ROBO1: variants seen among roughly 807,000 people sequenced by gnomAD.
ROBO1 encodes the protein roundabout homolog 1.
Under a neutral mutation model 195.9 loss-of-function variants are expected in ROBO1, and 149 were observed. The ratio of observed to expected loss-of-function variants is 0.76; its 90% CI spans 0.67 to 0.87. The LOEUF is 0.87. ROBO1 is among the 40% of genes least tolerant of loss of function. The probability of loss-of-function intolerance (pLI) is 0.00; values close to 1 mark genes in which losing one functional copy is unlikely to be tolerated. For missense variants in ROBO1, 1,933 were observed against 2,068.3 expected, an observed-to-expected ratio of 0.93 and a Z score of 1.27; for synonymous variants, 816 against 733.2, an observed-to-expected ratio of 1.11 and a Z score of -1.82.
In ROBO1 at chr3:78,634,662, T is replaced by A. The variant is rs1017199231; in HGVS notation, c.3374-620A>T. ...AGGAATAATGTGACAATAGTTTGAA[T>A]CACCACTGCAAACTCCATGATTACA... On this transcript the variant is annotated intron_variant, in intron 23 of 30. Coordinates refer to ENST00000464233, the MANE Select transcript of ROBO1 (RefSeq NM_002941.4). 1.9e-5 allele frequency: 3 copies of A among 159,636 alleles called. No individual in the cohort carries two copies. The South Asian group carries it at 5.2e-4, about 27-fold the overall frequency. The allele number at this position is 159,636 out of a possible 1,614,324, so 9.9% of individuals were successfully genotyped here.
Position 78,639,886 on chromosome 3 carries a change from G to C in ROBO1, c.2895C>G (p.Leu965=). ...GCTGCGCGGCAGGTTCACTGATGTTGAGAAGTCCAGGCCTAAATAAAAAAA... is the reference window on the plus strand; with the variant it reads ...GCTGCGCGGCAGGTTCACTGATGTTCAGAAGTCCAGGCCTAAATAAAAAAA... ...AVSSGGRPGL[L]NISEPAAQPW... Residue 965 remains leucine, a synonymous_variant, in exon 22 of 31, where the codon CTC becomes CTG. Coordinates refer to ENST00000464233, the MANE Select transcript of ROBO1 (RefSeq NM_002941.4). The C allele has an allele frequency of 6.3e-7, 1 of 1,597,712 alleles. No homozygotes were observed. The highest frequency in any genetic ancestry group is 8.5e-7 in the Non-Finnish European group (1 of 1,170,510).
rs188306111 is a variant in ROBO1 at position 79,477,477 on chromosome 3, A to G, written c.88+112347T>C. ...TGAACATTAAGTTTTCTTTTTTATT[A>G]GGTGCAGATGAGAGGGATGATTTAT... is the stretch of plus-strand genomic sequence containing the variant. On this transcript the variant is annotated intron_variant, in intron 2 of 30. Coordinates refer to ENST00000464233, the MANE Select transcript of ROBO1 (RefSeq NM_002941.4). Among the ~76,000 whole-genome samples the G allele has an allele frequency of 2.6e-3, 391 of 152,246 alleles. 2 individuals are homozygous for G. Among genetic ancestry groups the G allele is most frequent in the African/African-American group, 8.1e-3 (336 of 41,558 alleles).
intron 4 of ROBO1, among the ~76,000 whole-genome samples, chr3:78,791,238 G>A (rs2084010510): frequency 1.3e-5 from 2 of 152,142 alleles, no homozygotes; most frequent in South Asian, 4.2e-4. Flanking sequence ...TACACTATAG[G>A]GTTAGGAGAG....
chr3:78,778,598 C>G (rs973830277), intron 4 of ROBO1, among the ~76,000 whole-genome samples: 7 of 152,098 alleles, frequency 4.6e-5, no homozygotes, highest in Non-Finnish European at 8.8e-5. Flanking sequence ...GAACTACAAA[C>G]TACTGCTCAA....
At chr3:79,002,865 G>A (rs138639629) in intron 3 of ROBO1, among the ~76,000 whole-genome samples, 2 of 152,050 alleles carry the variant, frequency 1.3e-5, no homozygotes, top group African/African-American at 4.8e-5. Flanking sequence ...CTCTCTCAAT[G>A]TGGCCCACTG....
intron 9 of ROBO1, among the ~76,000 whole-genome samples, chr3:78,686,866 CAT>C (rs1272486165): frequency 1.3e-5 from 2 of 151,986 alleles, no homozygotes; most frequent in African/African-American, 2.4e-5. Context: ...TTCTAAAATT[CAT>C]ATGTTGAATT....
At chr3:79,047,715 C>A (rs1181241207) in intron 3 of ROBO1, among the ~76,000 whole-genome samples, 2 of 152,004 alleles carry the variant, frequency 1.3e-5, no homozygotes, top group African/African-American at 4.8e-5. Context: ...GAAAGTATGT[C>A]TCTCATCATA....
chr3:79,525,412 T>C (rs1178962084), intron 2 of ROBO1, among the ~76,000 whole-genome samples: 1 of 149,678 alleles, frequency 6.7e-6, no homozygotes, highest in African/African-American at 2.4e-5. Context: ...TTCCAGCTCC[T>C]ACCATACCAA....
chr3:79,035,738 A>AT (rs1456280743), intron 3 of ROBO1, among the ~76,000 whole-genome samples: 1 of 152,092 alleles, frequency 6.6e-6, no homozygotes, highest in African/African-American at 2.4e-5. Context: ...CTAAAAAAAA[A>AT]AAAAGCATTA....
chr3:79,068,792 T>G (rs1013436359), intron 3 of ROBO1, among the ~76,000 whole-genome samples: 1 of 151,888 alleles, frequency 6.6e-6, no homozygotes. Context: ...ACTTTCTCAA[T>G]TATTATTCTG....
intron 2 of ROBO1, among the ~76,000 whole-genome samples, chr3:79,306,163 T>C (rs960429035): frequency 3.9e-5 from 6 of 152,214 alleles, no homozygotes; most frequent in Admixed American, 3.9e-4. Context: ...CTTTTTTGAA[T>C]TTATTTTACT....
At chr3:79,062,371 GA>G (rs2078934760) in intron 3 of ROBO1, among the ~76,000 whole-genome samples, 1 of 152,112 alleles carries the variant, frequency 6.6e-6, no homozygotes, top group Non-Finnish European at 1.5e-5. Context: ...ATGATGTGGA[GA>G]AATAGGAACA....
At chr3:79,584,570 A>C (rs1943760611) in intron 2 of ROBO1, among the ~76,000 whole-genome samples, 1 of 150,900 alleles carries the variant, frequency 6.6e-6, no homozygotes, top group African/African-American at 2.4e-5. Flanking sequence ...TAAATGTCCT[A>C]AGTATGTAAC....
chr3:79,498,966 C>G (rs1403439100), intron 2 of ROBO1, among the ~76,000 whole-genome samples: 1 of 152,134 alleles, frequency 6.6e-6, no homozygotes, highest in Admixed American at 6.5e-5. Flanking sequence ...GCTTACATTT[C>G]AAAACCATTC....
chr3:79,354,960 G>C (rs1349301721), intron 2 of ROBO1, among the ~76,000 whole-genome samples: 2 of 152,164 alleles, frequency 1.3e-5, no homozygotes, highest in African/African-American at 4.8e-5. Context: ...GAGGTCAGGA[G>C]TTCAAGACCA....
intron 3 of ROBO1, among the ~76,000 whole-genome samples, chr3:78,939,692 C>A (rs983627096): frequency 9.3e-5 from 14 of 151,054 alleles, no homozygotes; most frequent in African/African-American, 2.9e-4. Flanking sequence ...CTAGAACTGT[C>A]CTTTATGTAG....
intron 3 of ROBO1, among the ~76,000 whole-genome samples, chr3:78,999,556 G>A (rs1208144605): frequency 1.3e-5 from 2 of 152,032 alleles, no homozygotes; most frequent in East Asian, 3.9e-4. Context: ...GGAAAGGAAG[G>A]GAAAGGAGCA....
chr3:79,404,526 G>A (rs2037474582), intron 2 of ROBO1, among the ~76,000 whole-genome samples: 1 of 152,062 alleles, frequency 6.6e-6, no homozygotes, highest in Non-Finnish European at 1.5e-5. Context: ...ACCCTGAGAC[G>A]ACAAGCATAG....
intron 4 of ROBO1, among the ~76,000 whole-genome samples, chr3:78,872,061 T>C (rs1326251218): frequency 6.6e-6 from 1 of 152,208 alleles, no homozygotes; most frequent in Admixed American, 6.5e-5. Context: ...TAGGTCTCTC[T>C]GGGCCTTATT....
Sources: gnomAD v4.1 joint callset for allele counts (sites outside exome capture counted in the v4.1 genomes callset) on GRCh38, gnomAD v4.1.1 for gene constraint, MANE v1.5 for transcripts, NCBI Gene and HGNC (gene_info 2026-07-23, HGNC 2026-07-21) for gene names.